The following CTNND2 variants were observed in gnomAD, a reference collection of about 807,000 sequenced individuals.
CTNND2 encodes catenin delta-2.
In CTNND2, 22 loss-of-function variants were observed where a neutral mutation model predicts 144.4. The observed-to-expected ratio is 0.15, with a 90% confidence interval of 0.11 to 0.22. CTNND2 has a LOEUF of 0.22. CTNND2 is among the 10% of genes least tolerant of loss of function. The pLI is 1.00. For missense variants in CTNND2, 1,353 were observed against 1,618.8 expected, an observed-to-expected ratio of 0.84 and a Z score of 2.82; for synonymous variants, 751 against 695.6, an observed-to-expected ratio of 1.08 and a Z score of -1.25.
intron 3 of CTNND2, among the ~76,000 whole-genome samples, chr5:11,508,898 G>C (rs1249826755): frequency 6.6e-6 from 1 of 150,562 alleles, no homozygotes; most frequent in Non-Finnish European, 1.5e-5. Flanking sequence ...GCAATAGAGT[G>C]AGACTCGTTT....
At chr5:11,051,924 G>A (rs901333779) in intron 16 of CTNND2, among the ~76,000 whole-genome samples, 16 of 152,104 alleles carry the variant, frequency 1.1e-4, no homozygotes, top group South Asian at 4.1e-4. Context: ...AACGTTGTGC[G>A]TTTAATAAGC....
intron 3 of CTNND2, among the ~76,000 whole-genome samples, chr5:11,503,637 C>CT (rs1375428916): frequency 6.6e-6 from 1 of 152,146 alleles, no homozygotes; most frequent in Non-Finnish European, 1.5e-5. Flanking sequence ...CTAAGGACAG[C>CT]TTTAGTCATG....
At chr5:11,400,495 G>T (rs1306755659) in intron 5 of CTNND2, among the ~76,000 whole-genome samples, 1 of 152,124 alleles carries the variant, frequency 6.6e-6, no homozygotes, top group Non-Finnish European at 1.5e-5. Context: ...GAGCCCAAGG[G>T]TTTTCCCAAA....
intron 9 of CTNND2, among the ~76,000 whole-genome samples, chr5:11,256,681 C>T (rs1029695845): frequency 6.6e-6 from 1 of 152,204 alleles, no homozygotes; most frequent in Non-Finnish European, 1.5e-5. Flanking sequence ...TCCTCCTTAA[C>T]CCCATTCATT....
intron 10 of CTNND2, among the ~76,000 whole-genome samples, chr5:11,220,553 C>A (rs1021733200): frequency 6.6e-6 from 1 of 152,152 alleles, no homozygotes; most frequent in African/African-American, 2.4e-5. Flanking sequence ...TGGACCCCTG[C>A]CCAGACAACA....
At position 11,226,998 on chromosome 5, in the gene CTNND2, C is replaced by A. The variant is rs1190264891; in HGVS notation, c.1761+9693G>T. Reference sequence around the variant, plus strand: ...TGTGCAGATGGCTTTTTGATTCTAACTTCCTAAAGGGCAGTAGTTGAATCT... The same window carrying A: ...TGTGCAGATGGCTTTTTGATTCTAAATTCCTAAAGGGCAGTAGTTGAATCT... On this transcript the variant is annotated intron_variant, in intron 10 of 21. Coordinates refer to ENST00000304623, the MANE Select transcript of CTNND2 (RefSeq NM_001332.4). Among the ~76,000 whole-genome samples, 4 of 152,304 alleles carry A rather than the reference C, an allele frequency of 2.6e-5. No individual in the cohort carries two copies. In the South Asian group the frequency reaches 8.3e-4, roughly 32 times the overall value.
intron 2 of CTNND2, among the ~76,000 whole-genome samples, chr5:11,700,558 C>T (rs544332415): frequency 3.3e-5 from 5 of 152,206 alleles, no homozygotes; most frequent in South Asian, 2.1e-4. Flanking sequence ...GAATGTGCCT[C>T]GGGGTGATGC....
intron 3 of CTNND2, among the ~76,000 whole-genome samples, chr5:11,492,505 ATGTGTGTG>A (rs33995105): frequency 2.8e-5 from 4 of 140,428 alleles, no homozygotes; most frequent in South Asian, 2.3e-4. Context: ...ATATATATAT[ATGTGTGTG>A]TGTGTGTGTG....
chr5:11,146,084 T>A (rs934554757), intron 12 of CTNND2, among the ~76,000 whole-genome samples: 2 of 152,210 alleles, frequency 1.3e-5, no homozygotes, highest in African/African-American at 4.8e-5. Context: ...ACTGTTTTAA[T>A]GACATTAAGT....
At chr5:11,696,390 C>T (rs74779049) in intron 2 of CTNND2, among the ~76,000 whole-genome samples, 3,323 of 152,322 alleles carry the variant, frequency 0.022, 45 homozygotes, top group East Asian at 0.057. Flanking sequence ...CAGCCTTGGG[C>T]TATAGTTTGC....
intron 3 of CTNND2, among the ~76,000 whole-genome samples, chr5:11,454,055 CT>C (rs1396883296): frequency 6.6e-6 from 1 of 152,044 alleles, no homozygotes; most frequent in Non-Finnish European, 1.5e-5. Flanking sequence ...AAATTATTTA[CT>C]TTGTTCCTCT....
At chr5:11,715,654 C>T (rs924864446) in intron 2 of CTNND2, among the ~76,000 whole-genome samples, 1 of 152,116 alleles carries the variant, frequency 6.6e-6, no homozygotes, top group African/African-American at 2.4e-5. Context: ...TCAATTCATG[C>T]ATAGCTTCTT....
chr5:11,217,611 A>C (rs549883750), intron 10 of CTNND2, among the ~76,000 whole-genome samples: 1 of 152,318 alleles, frequency 6.6e-6, no homozygotes, highest in Non-Finnish European at 1.5e-5. Flanking sequence ...CTTACATTTA[A>C]TTAGAGAGTT....
At chr5:10,984,383 G>T (rs960308866) in intron 20 of CTNND2, among the ~76,000 whole-genome samples, 13 of 152,306 alleles carry the variant, frequency 8.5e-5, no homozygotes, top group African/African-American at 3.1e-4. Context: ...GAGGAATAAG[G>T]TGAAATTTTG....
intron 9 of CTNND2, among the ~76,000 whole-genome samples, chr5:11,309,183 G>T (rs1167455080): frequency 6.6e-6 from 1 of 152,192 alleles, no homozygotes; most frequent in Non-Finnish European, 1.5e-5. Context: ...TAGTGGAGCT[G>T]TGAAAAGAGG....
At chr5:11,580,880 C>A (rs556116252) in intron 2 of CTNND2, among the ~76,000 whole-genome samples, 26 of 152,294 alleles carry the variant, frequency 1.7e-4, no homozygotes, top group African/African-American at 6.0e-4. Flanking sequence ...TTCTGTAATT[C>A]AAACAGGGGT....
intron 2 of CTNND2, among the ~76,000 whole-genome samples, chr5:11,596,864 G>A (rs540164011): frequency 3.3e-4 from 50 of 152,146 alleles, no homozygotes; most frequent in African/African-American, 1.2e-3. Context: ...TTTGCTTATC[G>A]GCATTTTTTT....
intron 2 of CTNND2, among the ~76,000 whole-genome samples, chr5:11,671,410 C>T (rs1004625067): frequency 6.6e-6 from 1 of 152,158 alleles, no homozygotes; most frequent in Non-Finnish European, 1.5e-5. Flanking sequence ...CTTTCAGGTA[C>T]ACCAATCAAA....
chr5:11,545,276 C>T (rs1397947115), intron 3 of CTNND2, among the ~76,000 whole-genome samples: 2 of 151,674 alleles, frequency 1.3e-5, no homozygotes, highest in African/African-American at 2.4e-5. Flanking sequence ...GACCTGAGAT[C>T]GCACCACTGC....
Sources: gnomAD v4.1 joint callset for allele counts (sites outside exome capture counted in the v4.1 genomes callset) on GRCh38, gnomAD v4.1.1 for gene constraint, MANE v1.5 for transcripts, NCBI Gene and HGNC (gene_info 2026-07-23, HGNC 2026-07-21) for gene names.